Variants in MRPS6 observed in about 807,000 individuals in gnomAD.
The protein encoded by MRPS6 is small ribosomal subunit protein bS6m.
Under a neutral mutation model 13.1 loss-of-function variants are expected in MRPS6, and 6 were observed. The ratio of observed to expected loss-of-function variants is 0.46; its 90% CI spans 0.25 to 0.91. The LOEUF (loss-of-function observed/expected upper bound fraction) is 0.91. Among genes scored for constraint, MRPS6 ranks in the 40% least tolerant of loss-of-function variants. The probability of loss-of-function intolerance (pLI) is 0.18; values close to 1 mark genes in which losing one functional copy is unlikely to be tolerated. For synonymous variants in MRPS6, 61 were observed against 56.5 expected (o/e 1.08, Z -0.36); for missense variants, 164 against 155.6 (o/e 1.05, Z -0.29).
intron 1 of MRPS6, among the ~76,000 whole-genome samples, chr21:34,111,909 T>C (rs1979715781): frequency 6.6e-6 from 1 of 151,898 alleles, no homozygotes; most frequent in Admixed American, 6.6e-5. Context: ...ATCCATTTGG[T>C]TTTGTATTTT....
intron 2 of MRPS6, among the ~76,000 whole-genome samples, chr21:34,138,457 TATC>T (rs1028207632): frequency 1.1e-4 from 16 of 152,150 alleles, no homozygotes; most frequent in African/African-American, 3.9e-4. Context: ...AAAGGGCTAA[TATC>T]CAGAATCTAC....
At chr21:34,137,469 C>G (rs186577212) in intron 2 of MRPS6, among the ~76,000 whole-genome samples, 62 of 152,272 alleles carry the variant, frequency 4.1e-4, no homozygotes, top group African/African-American at 1.4e-3. Context: ...TGCAATCCTG[C>G]TAAACTCATT....
At chr21:34,104,125 A>T in intron 1 of MRPS6, 1 of 999,564 alleles carries the variant, frequency 1.0e-6, no homozygotes, top group Non-Finnish European at 1.2e-6. Flanking sequence ...AGTTACCTTT[A>T]TTTTTTTCCT....
intron 1 of MRPS6, among the ~76,000 whole-genome samples, chr21:34,088,704 A>G (rs1004144643): frequency 2.6e-5 from 4 of 152,208 alleles, no homozygotes; most frequent in African/African-American, 9.6e-5. Flanking sequence ...TGTAACACAG[A>G]CAGCTGTGGC....
intron 1 of MRPS6, among the ~76,000 whole-genome samples, chr21:34,085,039 C>T (rs753593996): frequency 1.3e-5 from 2 of 152,152 alleles, no homozygotes; most frequent in African/African-American, 4.8e-5. Context: ...GACATTGATA[C>T]GATACTACCA....
chr21:34,079,842 C>G (rs16991167), intron 1 of MRPS6, among the ~76,000 whole-genome samples: 1,749 of 152,180 alleles, frequency 0.011, 38 homozygotes, highest in South Asian at 0.081. Context: ...TTATGGCCTC[C>G]TGGGTATCCC....
intron 1 of MRPS6, among the ~76,000 whole-genome samples, chr21:34,117,482 C>T (rs568756786): frequency 3.3e-5 from 5 of 152,106 alleles, no homozygotes; most frequent in Admixed American, 6.6e-5. Context: ...TTGAATCTGC[C>T]TTTATTAGTA....
intron 1 of MRPS6, chr21:34,095,292 A>C: frequency 1.2e-6 from 2 of 1,614,144 alleles, no homozygotes; most frequent in Non-Finnish European, 1.7e-6. Context: ...GTGGAAATCT[A>C]ATAGAAGCAC....
intron 1 of MRPS6, among the ~76,000 whole-genome samples, chr21:34,082,995 T>A (rs1382160548): frequency 1.3e-5 from 2 of 152,202 alleles, no homozygotes; most frequent in Non-Finnish European, 2.9e-5. Context: ...AGCAAAACTT[T>A]CTTTATTGGA....
At chr21:34,099,395 G>GT in intron 1 of MRPS6, 1 of 1,000,226 alleles carries the variant, frequency 1.0e-6, no homozygotes, top group Non-Finnish European at 1.2e-6. Context: ...GTTTTGTCCT[G>GT]TTTTTTCAAA....
At chr21:34,110,920 G>T (rs552109193) in intron 1 of MRPS6, among the ~76,000 whole-genome samples, 1 of 152,144 alleles carries the variant, frequency 6.6e-6, no homozygotes, top group Non-Finnish European at 1.5e-5. Context: ...ACATCCTTAC[G>T]CTTAGGAACA....
In MRPS6 at chr21:34,103,362, G is replaced by T. The variant is rs1383804747; in HGVS notation, c.46-21979G>T. On this transcript the variant is annotated intron_variant, in intron 1 of 2. Transcript: ENST00000399312. ...ATTACATTGACATACTTTATGTGCAGCCTTTATTTAGGTTCAGTGAAACCA... is the reference window on the plus strand; with the variant it reads ...ATTACATTGACATACTTTATGTGCATCCTTTATTTAGGTTCAGTGAAACCA... 3.0e-6 allele frequency: 3 copies of T among 995,338 alleles called. No individual in the cohort carries two copies. In the African/African-American group the frequency reaches 5.3e-5, roughly 18 times the overall value. 61.7% of individuals were successfully genotyped at this position (995,338 alleles called of 1,614,324 possible).
chr21:34,111,070 C>G (rs549049176), intron 1 of MRPS6, among the ~76,000 whole-genome samples: 1 of 152,156 alleles, frequency 6.6e-6, no homozygotes, highest in Non-Finnish European at 1.5e-5. Flanking sequence ...GAAACAAGGG[C>G]GAAACATTGC....
chr21:34,099,177 A>T (rs928356446), intron 1 of MRPS6: 2 of 999,394 alleles, frequency 2.0e-6, no homozygotes, highest in African/African-American at 3.5e-5. Context: ...TGAAGAGCTT[A>T]GAGTGCCTTG....
intron 1 of MRPS6, among the ~76,000 whole-genome samples, chr21:34,083,407 G>C (rs1204538957): frequency 1.3e-5 from 2 of 152,214 alleles, no homozygotes; most frequent in Non-Finnish European, 2.9e-5. Context: ...CATCTGTTCA[G>C]TCTGGTTTTG....
intron 1 of MRPS6, among the ~76,000 whole-genome samples, chr21:34,078,394 G>C (rs1388524704): frequency 6.6e-6 from 1 of 152,158 alleles, no homozygotes; most frequent in Non-Finnish European, 1.5e-5. Flanking sequence ...AAGGTACAAG[G>C]AATGGCTTGG....
chr21:34,083,986 A>C (rs1409200629), intron 1 of MRPS6, among the ~76,000 whole-genome samples: 1 of 152,194 alleles, frequency 6.6e-6, no homozygotes, highest in East Asian at 1.9e-4. Context: ...CTGTGTTTGC[A>C]ATGCAAGAGG....
At chr21:34,104,620 G>C in intron 1 of MRPS6, 1 of 1,000,178 alleles carries the variant, frequency 1.0e-6, no homozygotes, top group African/African-American at 1.7e-5. Flanking sequence ...TTGAGGGAGA[G>C]ATTATTCTTG....
intron 2 of MRPS6, among the ~76,000 whole-genome samples, chr21:34,127,235 T>C (rs1298002857): frequency 1.3e-5 from 2 of 152,238 alleles, no homozygotes; most frequent in Admixed American, 6.5e-5. Flanking sequence ...AGAAAGGTAG[T>C]GCCCAGCTGC....
Sources: gnomAD v4.1 joint callset for allele counts (sites outside exome capture counted in the v4.1 genomes callset) on GRCh38, gnomAD v4.1.1 for gene constraint, MANE v1.5 for transcripts, NCBI Gene and HGNC (gene_info 2026-07-23, HGNC 2026-07-21) for gene names.